The following GPM6A variants were observed in gnomAD, a reference collection of about 807,000 sequenced individuals.
The protein encoded by GPM6A is glycoprotein M6A.
A neutral mutation model predicts 32.1 loss-of-function variants in GPM6A; 7 were observed. The ratio of observed to expected loss-of-function variants is 0.22; its 90% confidence interval spans 0.12 to 0.41. The LOEUF is 0.41. Among genes scored for constraint, GPM6A ranks in the 10% least tolerant of loss-of-function variants. The probability of loss-of-function intolerance (pLI) is 1.00; values close to 1 mark genes in which losing one functional copy is unlikely to be tolerated. For synonymous variants in GPM6A, 130 were observed against 123.4 expected, an observed-to-expected ratio of 1.05 and a Z score of -0.35; for missense variants, 235 against 347.2, an observed-to-expected ratio of 0.68 and a Z score of 2.57.
intron 1 of GPM6A, among the ~76,000 whole-genome samples, chr4:175,905,768 T>C (rs1458047619): frequency 6.6e-6 from 1 of 152,162 alleles, no homozygotes; most frequent in South Asian, 2.1e-4. Context: ...GGTCTTCATA[T>C]TGTCTAAGAA....
At chr4:175,981,845 C>T (rs1045865673) in intron 1 of GPM6A, among the ~76,000 whole-genome samples, 1 of 152,008 alleles carries the variant, frequency 6.6e-6, no homozygotes, top group African/African-American at 2.4e-5. Flanking sequence ...AGTCCCACAA[C>T]GATGTTTGAG....
chr4:175,732,198 C>G (rs1440818524), intron 1 of GPM6A, among the ~76,000 whole-genome samples: 5 of 151,968 alleles, frequency 3.3e-5, no homozygotes, highest in African/African-American at 4.8e-5. Flanking sequence ...ATCTCCTGAC[C>G]TCGTGATCCG....
rs899782746 is a variant in GPM6A at position 175,826,822 on chromosome 4, G to GAA, written c.-22-14575_-22-14574dup. On this transcript the variant is annotated intron_variant, in intron 1 of 7. Coordinates refer to the GPM6A transcript ENST00000280187. ...AATGGAGAGATCACTAGCCTTTTAGGAAAAAAAAAAGAGTCCTAATGTTGA... is the reference window on the plus strand; with the variant it reads ...AATGGAGAGATCACTAGCCTTTTAGGAAAAAAAAAAAAGAGTCCTAATGTTGA... Among the ~76,000 whole-genome samples, 6 of 147,016 alleles carry GAA rather than the reference G, an allele frequency of 4.1e-5. No individual in the cohort carries two copies. The East Asian group carries it at 1.2e-3, about 29-fold the overall frequency.
chr4:175,656,227 G>T (rs553764173), intron 3 of GPM6A, among the ~76,000 whole-genome samples: 92 of 152,104 alleles, frequency 6.0e-4, no homozygotes, highest in Non-Finnish European at 1.1e-3. Flanking sequence ...ATTGATCTTT[G>T]ATAGTAAAAT....
At chr4:175,650,090 G>T (rs1456597147) in intron 4 of GPM6A, among the ~76,000 whole-genome samples, 1 of 151,980 alleles carries the variant, frequency 6.6e-6, no homozygotes, top group East Asian at 1.9e-4. Flanking sequence ...GATTTTGAGA[G>T]TAAAACCTCC....
At chr4:175,644,123 T>TTG (rs1553968449) in intron 4 of GPM6A, among the ~76,000 whole-genome samples, 1 of 141,820 alleles carries the variant, frequency 7.1e-6, no homozygotes, top group Non-Finnish European at 1.5e-5. Flanking sequence ...TTCCGTTTGT[T>TTG]TTTTTTTTTT....
chr4:175,634,661 GTT>G lies in GPM6A; in HGVS notation c.*242_*243del, dbSNP rs1269809097. ...TTGATTTTACAGAACTAGTAAATGA[GTT>G]TGAGAAATTTCAAAAAAAAGGCTGG... On this transcript the variant is annotated 3_prime_UTR_variant, in exon 7 of 7. Coordinates refer to ENST00000393658, the MANE Select transcript of GPM6A (RefSeq NM_201591.3). The G allele has an allele frequency of 4.8e-6, 2 of 417,564 alleles. No homozygotes were observed. The highest frequency in any genetic ancestry group is 8.5e-6 in the Non-Finnish European group (2 of 234,956). The allele number at this position is 417,564 out of a possible 1,614,324, so 25.9% of individuals were successfully genotyped here.
At chr4:175,651,346 T>A (rs1259860832) in intron 4 of GPM6A, among the ~76,000 whole-genome samples, 2 of 131,054 alleles carry the variant, frequency 1.5e-5, no homozygotes, top group Admixed American at 8.2e-5. Context: ...CAAAGCAGAC[T>A]CCTAATTTAT....
At chr4:175,765,487 G>T (rs1023865271) in intron 1 of GPM6A, among the ~76,000 whole-genome samples, 4 of 152,194 alleles carry the variant, frequency 2.6e-5, no homozygotes, top group Middle Eastern at 3.4e-3. Flanking sequence ...AAGATAATTA[G>T]GATATCCATC....
intron 6 of GPM6A, among the ~76,000 whole-genome samples, chr4:175,638,039 G>C (rs142456932): frequency 6.7e-4 from 100 of 148,684 alleles, no homozygotes; most frequent in African/African-American, 2.4e-3. Context: ...CCCTCGCTAG[G>C]TGAACAGTGA....
chr4:175,834,227 T>C (rs190869381), intron 1 of GPM6A, among the ~76,000 whole-genome samples: 2 of 152,154 alleles, frequency 1.3e-5, no homozygotes, highest in African/African-American at 2.4e-5. Context: ...CTATAGAATG[T>C]CCCTACGCCT....
intron 1 of GPM6A, among the ~76,000 whole-genome samples, chr4:175,909,157 T>TA (rs58281193): frequency 0.061 from 9,215 of 151,642 alleles, 874 homozygotes; most frequent in African/African-American, 0.2. Context: ...TCGGGAAAGA[T>TA]AGGTCAGAAA....
chr4:175,723,183 T>C lies in GPM6A; in HGVS notation c.38-21416A>G, dbSNP rs182487910. 3.6e-3 allele frequency among the ~76,000 whole-genome samples: 554 copies of C among 152,302 alleles called. 2 individuals carry two copies. Among genetic ancestry groups the C allele is most frequent in the Non-Finnish European group, 4.7e-3 (321 of 68,024 alleles). ...TTTTATTTTTCTTTCACTTGACAAG[T>C]CACAAGACCTGGAGTAATTTGTAAT... On this transcript the variant is annotated intron_variant, in intron 1 of 6. Coordinates refer to ENST00000393658, the MANE Select transcript of GPM6A (RefSeq NM_201591.3).
intron 1 of GPM6A, among the ~76,000 whole-genome samples, chr4:175,958,955 A>G (rs969885267): frequency 1.1e-4 from 17 of 152,370 alleles, no homozygotes; most frequent in Admixed American, 5.2e-4. Flanking sequence ...AATGAAGAAC[A>G]TAATGAGTGT....
At chr4:175,991,945 A>C (rs909239020) in intron 1 of GPM6A, among the ~76,000 whole-genome samples, 2 of 152,160 alleles carry the variant, frequency 1.3e-5, no homozygotes, top group South Asian at 4.2e-4. Context: ...TAGGACTTGT[A>C]AAATGATTCC....
chr4:175,831,875 C>T (rs1192047481), intron 1 of GPM6A, among the ~76,000 whole-genome samples: 2 of 151,844 alleles, frequency 1.3e-5, no homozygotes, highest in Admixed American at 1.3e-4. Flanking sequence ...CGTGCCACCA[C>T]ACCCGGCTAA....
chr4:175,973,874 T>C (rs1740580869), intron 1 of GPM6A, among the ~76,000 whole-genome samples: 1 of 152,252 alleles, frequency 6.6e-6, no homozygotes, highest in Non-Finnish European at 1.5e-5. Flanking sequence ...GACTTTTTTT[T>C]CACCAGCTTT....
rs770460573 is a variant in GPM6A at position 175,701,619 on chromosome 4, A to G, written c.186T>C (p.Phe62=). Residue 62 remains phenylalanine, a synonymous_variant, in exon 2 of 7, where the codon TTT becomes TTC. Transcript: ENST00000393658. ...TGTCTCCAGCAGTTCTTGCCATCTC[A>G]AAGTAGGTTTGCAGAATGTTGACAG... The part of the protein sequence containing the change: ...SGTVNILQTY[F]EMARTAGDTL... 14 of 1,613,630 alleles carry G rather than the reference A, an allele frequency of 8.7e-6. No individual in the cohort carries two copies. The African/African-American group carries it at 1.5e-4, about 17-fold the overall frequency.
At chr4:175,833,059 G>A (rs895209818) in intron 1 of GPM6A, among the ~76,000 whole-genome samples, 3 of 152,174 alleles carry the variant, frequency 2.0e-5, no homozygotes, top group Non-Finnish European at 4.4e-5. Context: ...ATCGAGGGAA[G>A]GAGTGAGTGT....
Sources: gnomAD v4.1 joint callset for allele counts (sites outside exome capture counted in the v4.1 genomes callset) on GRCh38, gnomAD v4.1.1 for gene constraint, MANE v1.5 for transcripts, NCBI Gene and HGNC (gene_info 2026-07-23, HGNC 2026-07-21) for gene names.